The following SLC2A13 variants were observed in gnomAD, a reference collection of about 807,000 sequenced individuals.
SLC2A13 encodes proton myo-inositol cotransporter.
In SLC2A13, 32 loss-of-function variants were observed where a neutral mutation model predicts 64.4. The ratio of observed to expected loss-of-function variants is 0.50; its 90% CI spans 0.37 to 0.67. The LOEUF is 0.67. SLC2A13 is among the 30% of genes least tolerant of loss of function. The pLI is 0.00. For missense variants in SLC2A13, 743 were observed against 829.2 expected, an observed-to-expected ratio of 0.90 and a Z score of 1.28; for synonymous variants, 338 against 327.1, an observed-to-expected ratio of 1.03 and a Z score of -0.36.
intron 7 of SLC2A13, among the ~76,000 whole-genome samples, chr12:39,799,569 C>CA (rs1436623319): frequency 6.6e-5 from 10 of 151,612 alleles, no homozygotes; most frequent in South Asian, 6.3e-4. Flanking sequence ...GAAGATAGCC[C>CA]AAAAAAACAA....
At chr12:40,011,089 A>AACTTTTTTT (rs1947523806) in intron 3 of SLC2A13, among the ~76,000 whole-genome samples, 1 of 152,236 alleles carries the variant, frequency 6.6e-6, no homozygotes, top group South Asian at 2.1e-4. Flanking sequence ...GGCTACAGCC[A>AACTTTTTTT]GAGGCTCAAC....
chr12:40,092,190 G>A (rs759733497), intron 1 of SLC2A13, among the ~76,000 whole-genome samples: 1 of 152,128 alleles, frequency 6.6e-6, no homozygotes, highest in Non-Finnish European at 1.5e-5. Flanking sequence ...AACTAGAACA[G>A]TAAACCAGGA....
intron 4 of SLC2A13, among the ~76,000 whole-genome samples, chr12:39,888,469 C>T (rs1944522840): frequency 6.6e-6 from 1 of 152,238 alleles, no homozygotes; most frequent in Admixed American, 6.5e-5. Flanking sequence ...AGGTAATCCA[C>T]CGTCCTCGGC....
Position 39,760,032 on chromosome 12 carries a change from C to A in SLC2A13, c.1941G>T (p.Val647=). 6.2e-7 allele frequency: 1 copy of A among 1,610,638 alleles called. No homozygotes were observed. The highest frequency in any genetic ancestry group is 8.5e-7 in the Non-Finnish European group (1 of 1,177,698). ...ATATATGAGCAGCTGAAAATTATTC[C>A]ACATCAGAAGCATCATTGTCAGAAA... is the stretch of plus-strand genomic sequence containing the variant. The part of the protein sequence containing the change: ...YHLSDNDASD[V]E The change falls in exon 10 of 10, where the codon GTG becomes GTT. Residue 647 remains valine, a synonymous_variant. Coordinates refer to ENST00000280871, the MANE Select transcript of SLC2A13 (RefSeq NM_052885.4).
chr12:39,876,745 T>C lies in SLC2A13; in HGVS notation c.1035-4784A>G, dbSNP rs1437592212. ...ATGTATCAGCTCATAATACAGACAA[T>C]TTTTTTCTGGCATGGGACTATAAAG... is the stretch of plus-strand genomic sequence containing the variant. On this transcript the variant is annotated intron_variant, in intron 4 of 9. Coordinates refer to ENST00000280871, the MANE Select transcript of SLC2A13 (RefSeq NM_052885.4). Among the ~76,000 whole-genome samples the C allele has an allele frequency of 3.9e-5, 6 of 152,080 alleles. No individual in the cohort carries two copies. The South Asian group carries it at 1.2e-3, about 31-fold the overall frequency.
chr12:39,995,074 T>C (rs918891139), intron 3 of SLC2A13, among the ~76,000 whole-genome samples: 1 of 152,214 alleles, frequency 6.6e-6, no homozygotes, highest in Admixed American at 6.5e-5. Context: ...TTAACCAGTA[T>C]GAGAAAGCAT....
At position 39,814,445 on chromosome 12, in the gene SLC2A13, A is replaced by G. The variant is rs1482319860; in HGVS notation, c.1445+15658T>C. ...GCTTTAGCTGATCTTTATTGTATCAAGTAACACACTGGCTCACTAAAATCA... is the reference window on the plus strand; with the variant it reads ...GCTTTAGCTGATCTTTATTGTATCAGGTAACACACTGGCTCACTAAAATCA... On this transcript the variant is annotated intron_variant, in intron 7 of 9. Transcript: ENST00000280871. Among the ~76,000 whole-genome samples the G allele has an allele frequency of 2.6e-5, 4 of 152,328 alleles. No homozygotes were observed. In the East Asian group the frequency reaches 5.8e-4, roughly 22 times the overall value.
At chr12:40,093,135 T>G (rs1238450182) in intron 1 of SLC2A13, among the ~76,000 whole-genome samples, 1 of 152,250 alleles carries the variant, frequency 6.6e-6, no homozygotes, top group Non-Finnish European at 1.5e-5. Context: ...ATGGAGAGAC[T>G]CATTTCATTG....
intron 7 of SLC2A13, among the ~76,000 whole-genome samples, chr12:39,776,317 G>C (rs1005021022): frequency 3.9e-5 from 6 of 152,128 alleles, no homozygotes; most frequent in African/African-American, 1.4e-4. Context: ...TCTGCCGACA[G>C]CTGAGTGGTC....
intron 7 of SLC2A13, among the ~76,000 whole-genome samples, chr12:39,775,663 T>C (rs1313023834): frequency 7.9e-5 from 12 of 152,308 alleles, no homozygotes; most frequent in Admixed American, 2.0e-4. Context: ...TGTCACAAAG[T>C]TGGAGTGGGT....
At chr12:39,905,822 G>GAAAA (rs10682990) in intron 4 of SLC2A13, among the ~76,000 whole-genome samples, 63,267 of 145,144 alleles carry the variant, frequency 0.44, 14,057 homozygotes, top group East Asian at 0.67. Context: ...AAAATGCCCA[G>GAAAA]AAAAAAAAAA....
At chr12:40,000,125 C>T (rs1196653362) in intron 3 of SLC2A13, among the ~76,000 whole-genome samples, 3 of 152,176 alleles carry the variant, frequency 2.0e-5, no homozygotes, top group Admixed American at 1.3e-4. Context: ...TGCCTGCTGC[C>T]ATCCATGTAA....
intron 3 of SLC2A13, among the ~76,000 whole-genome samples, chr12:39,991,340 T>G (rs1947135323): frequency 6.6e-6 from 1 of 152,172 alleles, no homozygotes; most frequent in South Asian, 2.1e-4. Context: ...ATGATAGTTT[T>G]TCAGGCCACT....
chr12:39,827,632 G>A (rs545350227), intron 7 of SLC2A13, among the ~76,000 whole-genome samples: 27 of 152,126 alleles, frequency 1.8e-4, no homozygotes, highest in African/African-American at 5.5e-4. Flanking sequence ...ATGGGCAGGA[G>A]GAGATTTTCC....
intron 4 of SLC2A13, among the ~76,000 whole-genome samples, chr12:39,873,209 TG>T (rs2135943013): frequency 6.6e-6 from 1 of 152,334 alleles, no homozygotes; most frequent in African/African-American, 2.4e-5. Flanking sequence ...TGTGTTTTAC[TG>T]ATCACACTAA....
intron 3 of SLC2A13, among the ~76,000 whole-genome samples, chr12:39,969,999 G>T (rs935356430): frequency 1.1e-4 from 17 of 152,202 alleles, no homozygotes; most frequent in Non-Finnish European, 1.9e-4. Context: ...AAGGGATCCA[G>T]TTTCAGCTTT....
rs536578450 is a variant in SLC2A13, at chr12:39,831,337, C to T, written c.1320-1109G>A. ...CCAGGCCAAGAGGTAGAGCAAAGGG[C>T]ATTTCAGAGAACTGCTTATGTTGTC... On this transcript the variant is annotated intron_variant, in intron 6 of 9. Transcript: ENST00000280871. 1.2e-3 allele frequency among the ~76,000 whole-genome samples: 181 copies of T among 152,188 alleles called. 1 individual carries two copies. Among genetic ancestry groups the T allele is most frequent in the Admixed American group, 5.0e-3 (76 of 15,282 alleles).
chr12:40,066,772 A>C (rs1195596493), intron 1 of SLC2A13, among the ~76,000 whole-genome samples: 1 of 152,194 alleles, frequency 6.6e-6, no homozygotes, highest in African/African-American at 2.4e-5. Context: ...TCATGAACTA[A>C]GCTTGCAAGT....
At position 39,824,777 on chromosome 12, in the gene SLC2A13, T is replaced by G. The variant is rs187890591; in HGVS notation, c.1445+5326A>C. ...GGGAGTGCTAGAGGGCAGCAGGAGATAGAATAAGCATTGTTTTCTGGGGCT... is the reference window on the plus strand; with the variant it reads ...GGGAGTGCTAGAGGGCAGCAGGAGAGAGAATAAGCATTGTTTTCTGGGGCT... On this transcript the variant is annotated intron_variant, in intron 7 of 9. Transcript: ENST00000280871. 1.4e-4 allele frequency among the ~76,000 whole-genome samples: 21 copies of G among 152,076 alleles called. 1 individual carries two copies. Among genetic ancestry groups the G allele is most frequent in the Admixed American group, 1.3e-3 (20 of 15,292 alleles).
Sources: allele counts gnomAD v4.1 joint callset (sites outside exome capture counted in the v4.1 genomes callset), GRCh38; gene constraint gnomAD v4.1.1; transcripts MANE v1.5; gene names NCBI Gene and HGNC (gene_info 2026-07-23, HGNC 2026-07-21).